The following UBA52 variants were observed in gnomAD, a reference collection of about 807,000 sequenced individuals.
UBA52 encodes ubiquitin A-52 residue ribosomal protein fusion product 1.
Under a neutral mutation model 15.3 loss-of-function variants are expected in UBA52, and 1 was observed. The observed-to-expected ratio is 0.07, with a 90% CI of 0.02 to 0.31. The LOEUF (loss-of-function observed/expected upper bound fraction) is 0.31. Ranked by LOEUF, UBA52 falls within the 10% of genes least tolerant of loss-of-function variation. The pLI is 1.00. For synonymous variants in UBA52, 50 were observed against 58.3 expected (o/e 0.86, Z 0.65); for missense variants, 87 against 168.0 (o/e 0.52, Z 2.66).
At position 18,573,862 on chromosome 19, in the gene UBA52, A is replaced by G; in HGVS notation, c.190+114A>G. On this transcript the variant is annotated intron_variant, in intron 3 of 4. Transcript: ENST00000442744. ...TCAAATGACTTGTGTTTTGTTTAAAATAATGGGACTGGGCACAGTGGCTCA... is the reference window on the plus strand; with the variant it reads ...TCAAATGACTTGTGTTTTGTTTAAAGTAATGGGACTGGGCACAGTGGCTCA... 4 of 1,003,122 alleles carry G rather than the reference A, an allele frequency of 4.0e-6. No individual in the cohort carries two copies. In the South Asian group the frequency reaches 4.7e-5, roughly 12 times the overall value. The allele number at this position is 1,003,122 out of a possible 1,614,324, so 62.1% of individuals were successfully genotyped here. A position where few individuals can be genotyped will look rare whatever the true frequency, so the allele number is the denominator to read the frequency against.
the UBA52 span, among the ~76,000 whole-genome samples, chr19:18,563,910 A>G: frequency 6.6e-6 from 1 of 150,588 alleles, no homozygotes; most frequent in African/African-American, 2.4e-5. Flanking sequence ...TTTTTGAGAC[A>G]TAGTTTCGCA....
chr19:18,568,759 G>T, upstream of UBA52: 1 of 682,358 alleles, frequency 1.5e-6, no homozygotes, highest in Non-Finnish European at 2.5e-6. Context: ...GCTCCTAGGG[G>T]GACAAGGCTC....
intron 3 of UBA52, 40 bp downstream of exon 3, chr19:18,573,788 C>T (rs776739217): frequency 3.8e-6 from 6 of 1,594,660 alleles, no homozygotes; most frequent in Non-Finnish European, 5.2e-6. Flanking sequence ...CCCAAGATCC[C>T]CAGGTCCTAG....
chr19:18,567,714 C>G (rs1473467496), upstream of UBA52, among the ~76,000 whole-genome samples: 1 of 152,180 alleles, frequency 6.6e-6, no homozygotes, highest in African/African-American at 2.4e-5. Context: ...CCTTAAAGGG[C>G]TCTGCAGGCT....
the UBA52 span, among the ~76,000 whole-genome samples, chr19:18,565,888 GT>G: frequency 6.6e-6 from 1 of 152,082 alleles, no homozygotes; most frequent in East Asian, 1.9e-4. Context: ...AGATTTCACC[GT>G]GTTGCCCAGG....
Position 18,573,718 on chromosome 19 carries a change from C to T in UBA52, c.160C>T (p.Arg54Cys), listed in dbSNP as rs1229811655. The change falls in exon 3 of 5, where the codon CGC becomes TGC. Residue 54 changes from arginine (R) to cysteine (C), a missense_variant. Transcript: ENST00000442744. ...TGCCGGCAAACAGCTGGAGGATGGC[C>T]GCACTCTCTCAGACTACAACATCCA... ...IFAGKQLEDG[R>C]TLSDYNIQKE... 4.3e-6 allele frequency: 7 copies of T among 1,614,008 alleles called. No individual in the cohort carries two copies. The highest frequency in any genetic ancestry group is 2.7e-5 in the African/African-American group (2 of 74,894).
At chr19:18,570,907 G>C (rs1975457206), upstream of UBA52, among the ~76,000 whole-genome samples, 1 of 150,618 alleles carries the variant, frequency 6.6e-6, no homozygotes, top group Non-Finnish European at 1.5e-5. Flanking sequence ...GGCTCGTCTC[G>C]AACTCCCGAC....
upstream of UBA52, among the ~76,000 whole-genome samples, chr19:18,571,557 C>G (rs1427892595): frequency 4.6e-5 from 7 of 152,262 alleles, no homozygotes; most frequent in Non-Finnish European, 1.0e-4. Context: ...AAACATTCTC[C>G]TCTACTCCGT....
chr19:18,574,569 G>A (rs1391921839), intron 3 of UBA52, among the ~76,000 whole-genome samples: 1 of 152,174 alleles, frequency 6.6e-6, no homozygotes, highest in Non-Finnish European at 1.5e-5. Context: ...TTCAGTGTCT[G>A]ACCTTGCCTG....
At chr19:18,564,992 G>A in the UBA52 span, 9 of 1,608,768 alleles carry the variant, frequency 5.6e-6, no homozygotes, top group Non-Finnish European at 7.6e-6. Flanking sequence ...AGATGAAACG[G>A]GACCTGGACA....
intron 2 of UBA52, 30 bp from the exon 3 acceptor site, chr19:18,573,632 A>C: frequency 6.2e-7 from 1 of 1,610,754 alleles, no homozygotes; most frequent in Non-Finnish European, 8.5e-7. Context: ...TGGTCCGCAG[A>C]GCCTCTAACT....
intron 1 of UBA52, chr19:18,572,991 T>G (rs1975580316): frequency 8.2e-7 from 1 of 1,212,152 alleles, no homozygotes; most frequent in Non-Finnish European, 1.0e-6. Context: ...TACTGACGAG[T>G]CCTTCCGCCG....
At position 18,574,998 on chromosome 19, in the gene UBA52, G is replaced by T. The variant is rs775090353; in HGVS notation, c.293+26G>T. ...GTATGTGTGCTCCGATGCTTGGGGG[G>T]CTGTGGGGGCTGCCGGAGTCGGGGT... On this transcript the variant is annotated intron_variant, in intron 4 of 4. Transcript: ENST00000442744. 1.1e-5 allele frequency: 17 copies of T among 1,614,176 alleles called. No homozygotes were observed. The Admixed American group carries it at 2.0e-4, about 19-fold the overall frequency.
chr19:18,573,197 A>G (rs1975594185), intron 1 of UBA52, 96 bp from the exon 2 acceptor site: 1 of 1,263,634 alleles, frequency 7.9e-7, no homozygotes, highest in African/African-American at 1.5e-5. Flanking sequence ...GACTTGGTGC[A>G]GGCAAAGGGA....
rs1975741357 is a variant in UBA52 at position 18,575,414 on chromosome 19, A to T, written c.*264A>T. 2.1e-6 allele frequency: 1 copy of T among 480,476 alleles called. No individual in the cohort carries two copies. The allele number at this position is 480,476 out of a possible 1,614,324, so 29.8% of individuals were successfully genotyped here. A position where few individuals can be genotyped will look rare whatever the true frequency, so the allele number is the denominator to read the frequency against. On this transcript the variant is annotated 3_prime_UTR_variant, in exon 5 of 5. Coordinates refer to ENST00000442744, the MANE Select transcript of UBA52 (RefSeq NM_001033930.3). ...CCCTGACTCTGGATTTGTCATCTGT[A>T]AAACTGGAGTAAAAACCTCAGTCGT... is the stretch of plus-strand genomic sequence containing the variant.
chr19:18,565,235 T>TC, the UBA52 span: 1 of 1,334,296 alleles, frequency 7.5e-7, no homozygotes, highest in African/African-American at 1.5e-5. Context: ...ACAGAGTTTT[T>TC]TTTTTTTTTT....
At chr19:18,571,656 C>G (rs1975483151), upstream of UBA52, 1 of 152,314 alleles carries the variant, frequency 6.6e-6, no homozygotes, top group South Asian at 2.1e-4. Flanking sequence ...GTGCAATCGT[C>G]TCAAGTGACT....
intron 1 of UBA52, chr19:18,572,768 C>G (rs1448979146): frequency 2.0e-6 from 2 of 997,324 alleles, no homozygotes; most frequent in Non-Finnish European, 2.4e-6. Context: ...GAGAAGGAAG[C>G]TAAGAGTGTT....
the UBA52 span, among the ~76,000 whole-genome samples, chr19:18,565,727 G>A: frequency 6.6e-6 from 1 of 151,978 alleles, no homozygotes; most frequent in African/African-American, 2.4e-5. Context: ...TTGCTCTGTC[G>A]CCCAGGCTGG....
Sources: allele counts gnomAD v4.1 joint callset (sites outside exome capture counted in the v4.1 genomes callset), GRCh38; gene constraint gnomAD v4.1.1; transcripts MANE v1.5; gene names NCBI Gene and HGNC (gene_info 2026-07-23, HGNC 2026-07-21).